The following TTC5 variants were observed in gnomAD, a reference collection of about 807,000 sequenced individuals.
TTC5 encodes the protein tetratricopeptide repeat protein 5.
TTC5 carries 46 observed loss-of-function variants against 57.4 expected under a neutral mutation model. The ratio of observed to expected loss-of-function variants is 0.80; its 90% CI spans 0.63 to 1.03. The LOEUF (loss-of-function observed/expected upper bound fraction) is 1.03, where lower values mean the gene tolerates loss of function less well. Among genes scored for constraint, TTC5 ranks in the 50% least tolerant of loss-of-function variants. The pLI, the probability that TTC5 is intolerant of heterozygous loss-of-function variation, is 0.00. For missense variants in TTC5, 504 were observed against 528.1 expected, an observed-to-expected ratio of 0.95 and a Z score of 0.45; for synonymous variants, 190 against 203.5, an observed-to-expected ratio of 0.93 and a Z score of 0.57.
chr14:20,302,561 GT>G (rs1265050848), intron 1 of TTC5, among the ~76,000 whole-genome samples: 2 of 152,146 alleles, frequency 1.3e-5, no homozygotes, highest in African/African-American at 2.4e-5. Context: ...GCTTATTGTG[GT>G]TTTGTTTAGT....
chr14:20,305,001 A>T (rs1882262063), intron 1 of TTC5, among the ~76,000 whole-genome samples: 1 of 152,212 alleles, frequency 6.6e-6, no homozygotes, highest in Admixed American at 6.5e-5. Flanking sequence ...GTGCATATAC[A>T]AACATATATA....
chr14:20,288,197 A>T lies in TTC5; in HGVS notation c.*1430T>A, dbSNP rs1881878307. ...TAGATAGAGACAGATAGATAGATAG[A>T]TAGATAGACAGATAGATAGATAAAA... is the stretch of plus-strand genomic sequence containing the variant. On this transcript the variant is annotated 3_prime_UTR_variant, in exon 10 of 10. Transcript: ENST00000258821. 3 of 151,278 alleles carry T rather than the reference A, an allele frequency of 2.0e-5. No homozygotes were observed. Among genetic ancestry groups the T allele is most frequent in the African/African-American group, 7.2e-5 (3 of 41,388 alleles). 9.4% of individuals were successfully genotyped at this position (151,278 alleles called of 1,614,324 possible). A position where few individuals can be genotyped will look rare whatever the true frequency, so the allele number is the denominator to read the frequency against.
At chr14:20,296,836 AAC>A (rs1308700306) in intron 5 of TTC5, among the ~76,000 whole-genome samples, 5 of 152,104 alleles carry the variant, frequency 3.3e-5, no homozygotes, top group African/African-American at 1.2e-4. Flanking sequence ...AACCTGGTGA[AAC>A]ACTGTCTCTA....
In TTC5 at chr14:20,289,563, T is replaced by C. The variant is rs2138802596; in HGVS notation, c.*64A>G. On this transcript the variant is annotated 3_prime_UTR_variant, in exon 10 of 10. Transcript: ENST00000258821. ...TCCCTGCTGAATCACTGGATGTGGC[T>C]GGACCGGCTGTCCAGAGCCTTGTCT... 1 of 1,545,420 alleles carries C rather than the reference T, an allele frequency of 6.5e-7. No homozygotes were observed. The highest frequency in any genetic ancestry group is 8.7e-7 in the Non-Finnish European group (1 of 1,145,950).
chr14:20,301,184 T>C (rs552643657), intron 2 of TTC5, among the ~76,000 whole-genome samples: 30 of 152,096 alleles, frequency 2.0e-4, no homozygotes, highest in Admixed American at 6.5e-4. Flanking sequence ...CTTTAACAAG[T>C]GAAGAGAAGA....
chr14:20,295,691 C>T lies in TTC5; in HGVS notation c.843+17G>A, dbSNP rs368265587. 3.8e-6 allele frequency: 6 copies of T among 1,578,816 alleles called. No individual in the cohort carries two copies. Among genetic ancestry groups the T allele is most frequent in the Non-Finnish European group, 5.1e-6 (6 of 1,170,160 alleles). ...AAAAAAAAAAAAAGTGGAATTCAGC[C>T]CTTCAGACATTTTTACCTTACTCTC... On this transcript the variant is annotated intron_variant, in intron 7 of 9. Coordinates refer to ENST00000258821, the MANE Select transcript of TTC5 (RefSeq NM_138376.3).
chr14:20,303,674 G>C (rs576601507), intron 1 of TTC5, among the ~76,000 whole-genome samples: 13 of 135,156 alleles, frequency 9.6e-5, no homozygotes, highest in Admixed American at 7.4e-4. Flanking sequence ...TATAAAAAAC[G>C]TACATCATAT....
chr14:20,301,314 G>A (rs1161406826), intron 2 of TTC5, among the ~76,000 whole-genome samples: 1 of 152,200 alleles, frequency 6.6e-6, no homozygotes, highest in African/African-American at 2.4e-5. Context: ...CCATGTTCAT[G>A]GGAGAATAGA....
At chr14:20,290,938 G>GTTCCAA (rs1881940638) in intron 9 of TTC5, among the ~76,000 whole-genome samples, 1 of 152,066 alleles carries the variant, frequency 6.6e-6, no homozygotes, top group African/African-American at 2.4e-5. Context: ...GTGTGGCTGT[G>GTTCCAA]TTCCAATAAA....
chr14:20,299,313 C>A lies in TTC5; in HGVS notation c.532G>T (p.Asp178Tyr). The change falls in exon 4 of 10, where the codon GAT (aspartate) becomes TAT (tyrosine). Residue 178 changes from aspartate (D) to tyrosine (Y), a missense_variant. Physicochemically the swap from Asp to Tyr is radical, Grantham distance 160. Transcript: ENST00000258821. ...AKLAVQMDVH[D>Y]GRSWYILGNS... ...GAGCACTCACACCAGGAGCGGCCATCATGGACATCCATCTGAACAGCCAAC... is the reference window on the plus strand; with the variant it reads ...GAGCACTCACACCAGGAGCGGCCATAATGGACATCCATCTGAACAGCCAAC... The A allele has an allele frequency of 1.2e-6, 2 of 1,613,854 alleles. No homozygotes were observed. The highest frequency in any genetic ancestry group is 8.5e-7 in the Non-Finnish European group (1 of 1,179,822).
At chr14:20,299,651 T>C (rs1882141770) in intron 3 of TTC5, among the ~76,000 whole-genome samples, 1 of 152,142 alleles carries the variant, frequency 6.6e-6, no homozygotes, top group African/African-American at 2.4e-5. Flanking sequence ...CCTCCCGAGT[T>C]AAGTCTTTCT....
At chr14:20,299,708 A>T (rs1318287907) in intron 3 of TTC5, among the ~76,000 whole-genome samples, 1 of 151,992 alleles carries the variant, frequency 6.6e-6, no homozygotes, top group Non-Finnish European at 1.5e-5. Flanking sequence ...ATGCACCACC[A>T]TGCCCGGCTA....
At chr14:20,301,612 C>T (rs971817672) in intron 2 of TTC5, among the ~76,000 whole-genome samples, 8 of 152,146 alleles carry the variant, frequency 5.3e-5, no homozygotes, top group Non-Finnish European at 1.2e-4. Context: ...TGCAATAGTT[C>T]AAGTAAGTAT....
rs1882047934 is a variant in TTC5, at chr14:20,295,700, ATT to A, written c.843+6_843+7del. 2.5e-6 allele frequency: 4 copies of A among 1,585,284 alleles called. No homozygotes were observed. Among genetic ancestry groups the A allele is most frequent in the Non-Finnish European group, 3.4e-6 (4 of 1,172,838 alleles). ...AAAAGTGGAATTCAGCCCTTCAGAC[ATT>A]TTTACCTTACTCTCAAGGAGGCTGG... On this transcript the variant is annotated splice_donor_region_variant and intron_variant, in intron 7 of 9. Transcript: ENST00000258821.
chr14:20,298,678 G>C (rs1368199092), intron 5 of TTC5, 119 bp downstream of exon 5: 1 of 684,962 alleles, frequency 1.5e-6, no homozygotes, highest in African/African-American at 1.8e-5. Context: ...ACAAAAATGA[G>C]ATGCCAGCAA....
chr14:20,301,717 C>T (rs1334059664), intron 2 of TTC5, 116 bp downstream of exon 2: 9 of 1,333,224 alleles, frequency 6.8e-6, no homozygotes, highest in African/African-American at 4.4e-5. Flanking sequence ...AGTAGTATTA[C>T]GTTGTACTAC....
intron 5 of TTC5, 100 bp from the exon 6 acceptor site, chr14:20,296,546 T>G (rs1243292904): frequency 1.0e-6 from 1 of 978,128 alleles, no homozygotes; most frequent in East Asian, 2.4e-5. Context: ...GAAATGGAAG[T>G]TTCTTCCTTG....
intron 8 of TTC5, chr14:20,293,644 A>ATCTG (rs1566389329): frequency 1.3e-5 from 2 of 152,246 alleles, no homozygotes; most frequent in Non-Finnish European, 2.9e-5. Context: ...GGAGGAAACC[A>ATCTG]GAGAATCAGG....
At chr14:20,298,725 C>G in intron 5 of TTC5, 72 bp downstream of exon 5, 1 of 1,149,856 alleles carries the variant, frequency 8.7e-7, no homozygotes, top group Non-Finnish European at 1.3e-6. Context: ...TAAAGGGCCA[C>G]AAAGAAGACT....
Sources: gnomAD v4.1 joint callset for allele counts (sites outside exome capture counted in the v4.1 genomes callset) on GRCh38, gnomAD v4.1.1 for gene constraint, MANE v1.5 for transcripts, NCBI Gene and HGNC (gene_info 2026-07-23, HGNC 2026-07-21) for gene names.